The following PARD3B variants were observed in gnomAD, a reference collection of about 807,000 sequenced individuals.
PARD3B encodes the protein par-3 family cell polarity regulator beta.
A neutral mutation model predicts 130.2 loss-of-function variants in PARD3B; 103 were observed. The observed-to-expected ratio is 0.79, with a 90% CI of 0.67 to 0.93. The LOEUF (loss-of-function observed/expected upper bound fraction) is 0.93, where lower values mean the gene tolerates loss of function less well. Among genes scored for constraint, PARD3B ranks in the 40% least tolerant of loss-of-function variants. PARD3B has a pLI of 0.00. For missense variants in PARD3B, 1,609 were observed against 1,499.2 expected, an observed-to-expected ratio of 1.07 and a Z score of -1.21; for synonymous variants, 583 against 553.2, an observed-to-expected ratio of 1.05 and a Z score of -0.76.
In PARD3B at chr2:205,425,444, C is replaced by T. The variant is rs1199489156; in HGVS notation, c.2742-14926C>T. Among the ~76,000 whole-genome samples the T allele has an allele frequency of 2.0e-5, 3 of 150,004 alleles. No individual in the cohort carries two copies. In the Admixed American group the frequency reaches 2.0e-4, roughly 10 times the overall value. On this transcript the variant is annotated intron_variant, in intron 19 of 22. Transcript: ENST00000406610. ...TTCTTGAAATGGCAGTGTTTAGTAG[C>T]AATGGAAAGATACTCAAGGATCTTG...
intron 15 of PARD3B, among the ~76,000 whole-genome samples, chr2:205,217,890 A>ATT (rs1278697689): frequency 1.2e-4 from 5 of 42,080 alleles, no homozygotes; most frequent in African/African-American, 6.5e-4. Context: ...ATATATATAT[A>ATT]TATATTTTTT....
intron 18 of PARD3B, among the ~76,000 whole-genome samples, chr2:205,344,733 T>C (rs2043685231): frequency 6.6e-6 from 1 of 152,228 alleles, no homozygotes; most frequent in South Asian, 2.1e-4. Flanking sequence ...GTAGAGTTTA[T>C]GTATTTATTT....
intron 2 of PARD3B, among the ~76,000 whole-genome samples, chr2:204,853,539 G>A (rs1418803746): frequency 6.6e-6 from 1 of 152,132 alleles, no homozygotes; most frequent in Non-Finnish European, 1.5e-5. Context: ...AAGAAAGCTG[G>A]CAATGGAAGT....
At chr2:204,562,347 G>A (rs2031373260) in intron 1 of PARD3B, among the ~76,000 whole-genome samples, 2 of 152,190 alleles carry the variant, frequency 1.3e-5, no homozygotes, top group African/African-American at 4.8e-5. Context: ...TATCCAAAGT[G>A]TGAGGCTGAA....
chr2:205,428,137 C>T (rs2047208005), intron 19 of PARD3B, among the ~76,000 whole-genome samples: 1 of 151,950 alleles, frequency 6.6e-6, no homozygotes, highest in African/African-American at 2.4e-5. Context: ...AATCCCAGCA[C>T]TTTGGGAGGC....
chr2:204,997,921 A>G (rs1394160857), intron 3 of PARD3B, among the ~76,000 whole-genome samples: 2 of 148,934 alleles, frequency 1.3e-5, no homozygotes, highest in Non-Finnish European at 3.0e-5. Context: ...TATTATTTAT[A>G]TACTTAATAT....
chr2:205,235,800 G>C (rs2039036251), intron 15 of PARD3B, among the ~76,000 whole-genome samples: 1 of 152,146 alleles, frequency 6.6e-6, no homozygotes, highest in African/African-American at 2.4e-5. Flanking sequence ...TGAAACCAAA[G>C]ACAGCAGAAC....
chr2:205,371,784 A>G (rs2044828390), intron 18 of PARD3B, among the ~76,000 whole-genome samples: 1 of 152,176 alleles, frequency 6.6e-6, no homozygotes, highest in Non-Finnish European at 1.5e-5. Context: ...TAATATATTC[A>G]CAGAGTTGTA....
chr2:204,612,077 A>G (rs1268130096), intron 1 of PARD3B, among the ~76,000 whole-genome samples: 1 of 152,228 alleles, frequency 6.6e-6, no homozygotes, highest in Non-Finnish European at 1.5e-5. Context: ...TTCTTGAAAT[A>G]TGAGATCTTC....
intron 2 of PARD3B, among the ~76,000 whole-genome samples, chr2:204,812,091 T>C (rs1441734932): frequency 6.6e-6 from 1 of 152,226 alleles, no homozygotes; most frequent in Non-Finnish European, 1.5e-5. Context: ...TGTATATTAG[T>C]TTGCACATCC....
intron 2 of PARD3B, among the ~76,000 whole-genome samples, chr2:204,911,940 G>A (rs2047252906): frequency 6.6e-6 from 1 of 152,080 alleles, no homozygotes; most frequent in Non-Finnish European, 1.5e-5. Flanking sequence ...AAAGTAATAT[G>A]TGAAATATAC....
chr2:205,247,921 G>GT (rs1442866336), intron 16 of PARD3B, among the ~76,000 whole-genome samples: 8 of 151,526 alleles, frequency 5.3e-5, no homozygotes, highest in South Asian at 4.2e-4. Flanking sequence ...CCCATTTTTT[G>GT]TTTTTTGTTT....
At chr2:205,013,475 G>A (rs971063563) in intron 3 of PARD3B, among the ~76,000 whole-genome samples, 1 of 152,012 alleles carries the variant, frequency 6.6e-6, no homozygotes. Context: ...AGTGTCTGTC[G>A]GGGTTCCCAA....
intron 2 of PARD3B, among the ~76,000 whole-genome samples, chr2:204,702,093 C>T (rs10177328): frequency 0.11 from 17,004 of 152,102 alleles, 2,132 homozygotes; most frequent in African/African-American, 0.31. Context: ...TTTATGGCTG[C>T]GTAGTAATTC....
intron 19 of PARD3B, among the ~76,000 whole-genome samples, chr2:205,436,682 A>G (rs1343488782): frequency 6.6e-6 from 1 of 151,934 alleles, no homozygotes; most frequent in African/African-American, 2.4e-5. Flanking sequence ...TGATCTCTCA[A>G]AATACCCTTT....
chr2:204,873,623 A>G (rs1294881504), intron 2 of PARD3B, among the ~76,000 whole-genome samples: 1 of 152,228 alleles, frequency 6.6e-6, no homozygotes, highest in African/African-American at 2.4e-5. Context: ...TGAGTTTGAA[A>G]AACAAAACAA....
At chr2:204,722,102 A>C (rs1037780395) in intron 2 of PARD3B, among the ~76,000 whole-genome samples, 1 of 152,228 alleles carries the variant, frequency 6.6e-6, no homozygotes, top group Admixed American at 6.5e-5. Context: ...CAATTATACT[A>C]AAATCAGTAG....
At chr2:204,825,221 A>G (rs1371272196) in intron 2 of PARD3B, among the ~76,000 whole-genome samples, 1 of 152,218 alleles carries the variant, frequency 6.6e-6, no homozygotes, top group East Asian at 1.9e-4. Context: ...TTTGCATTCC[A>G]GCTTTCTTAC....
At chr2:205,261,500 T>A (rs2040309751) in intron 16 of PARD3B, among the ~76,000 whole-genome samples, 1 of 152,174 alleles carries the variant, frequency 6.6e-6, no homozygotes, top group Non-Finnish European at 1.5e-5. Flanking sequence ...TTTATTTCAC[T>A]GGATCTCTTT....
Sources: gnomAD v4.1 joint callset for allele counts (sites outside exome capture counted in the v4.1 genomes callset) on GRCh38, gnomAD v4.1.1 for gene constraint, MANE v1.5 for transcripts, NCBI Gene and HGNC (gene_info 2026-07-23, HGNC 2026-07-21) for gene names.